SFXN4: variants seen among roughly 807,000 people sequenced by gnomAD.
SFXN4 encodes sideroflexin-4.
Under a neutral mutation model 54.6 loss-of-function variants are expected in SFXN4, and 48 were observed. The observed-to-expected ratio is 0.88, with a 90% CI of 0.70 to 1.12. The LOEUF (loss-of-function observed/expected upper bound fraction) is 1.12, where lower values mean the gene tolerates loss of function less well. SFXN4 is among the 50% of genes most tolerant of loss of function. The probability of loss-of-function intolerance (pLI) is 0.00; values close to 1 mark genes in which losing one functional copy is unlikely to be tolerated. For missense variants in SFXN4, 383 were observed against 409.2 expected, an observed-to-expected ratio of 0.94 and a Z score of 0.55; for synonymous variants, 130 against 145.5, an observed-to-expected ratio of 0.89 and a Z score of 0.77.
At chr10:119,157,177 C>A (rs1483099374) in intron 9 of SFXN4, among the ~76,000 whole-genome samples, 1 of 151,980 alleles carries the variant, frequency 6.6e-6, no homozygotes, top group Non-Finnish European at 1.5e-5. Flanking sequence ...GGCTGTAATC[C>A]CAGCACTTTG....
intron 11 of SFXN4, among the ~76,000 whole-genome samples, chr10:119,150,368 G>C (rs1589631599): frequency 6.6e-6 from 1 of 152,016 alleles, no homozygotes; most frequent in East Asian, 1.9e-4. Context: ...AGGAGGTGCT[G>C]GGAACAACTT....
chr10:119,158,101 T>C (rs1847348432), intron 6 of SFXN4, 39 bp from the exon 7 acceptor site: 1 of 1,597,330 alleles, frequency 6.3e-7, no homozygotes, highest in Admixed American at 1.7e-5. Context: ...CAAGTGTTGC[T>C]GTGGAAGGAG....
chr10:119,163,485 C>T (rs973068510), intron 2 of SFXN4, among the ~76,000 whole-genome samples: 1 of 152,056 alleles, frequency 6.6e-6, no homozygotes, highest in African/African-American at 2.4e-5. Flanking sequence ...GCAACCTCCA[C>T]CTCCTGGGTT....
At chr10:119,163,511 C>T (rs1383531380) in intron 2 of SFXN4, among the ~76,000 whole-genome samples, 1 of 152,072 alleles carries the variant, frequency 6.6e-6, no homozygotes, top group African/African-American at 2.4e-5. Context: ...AGTGATTCGC[C>T]CACCTCAAGC....
At chr10:119,142,885 CCATG>C (rs1846605427) in intron 13 of SFXN4, among the ~76,000 whole-genome samples, 1 of 152,074 alleles carries the variant, frequency 6.6e-6, no homozygotes, top group Non-Finnish European at 1.5e-5. Flanking sequence ...GCGCCTGCCA[CCATG>C]CCTGGCTAAT....
Position 119,147,789 on chromosome 10 carries a change from G to A in SFXN4, c.804C>T (p.Thr268=), listed in dbSNP as rs1564815899. Residue 268 remains threonine, a synonymous_variant, in exon 12 of 14, where the codon ACC becomes ACT. Transcript: ENST00000355697. ...GTSALIPEVF[T]YFFKRTQYFR... Reference sequence around the variant, plus strand: ...GTGTCTCTTACCTTTTAAAAAAGTAGGTGAAGACTTCAGGAATCAGAGCTG... The same window carrying A: ...GTGTCTCTTACCTTTTAAAAAAGTAAGTGAAGACTTCAGGAATCAGAGCTG... The A allele has an allele frequency of 6.2e-7, 1 of 1,613,950 alleles. No homozygotes were observed. Among genetic ancestry groups the A allele is most frequent in the East Asian group, 2.2e-5 (1 of 44,884 alleles).
intron 11 of SFXN4, among the ~76,000 whole-genome samples, chr10:119,149,627 G>A (rs997927253): frequency 1.3e-5 from 2 of 152,112 alleles, no homozygotes; most frequent in Non-Finnish European, 2.9e-5. Flanking sequence ...GTGGGCGCCT[G>A]TAATCCCAGC....
intron 13 of SFXN4, among the ~76,000 whole-genome samples, chr10:119,145,273 C>T (rs1846740602): frequency 6.6e-6 from 1 of 150,584 alleles, no homozygotes; most frequent in East Asian, 1.9e-4. Context: ...TGATGACTCA[C>T]CTTCACTTAA....
intron 11 of SFXN4, among the ~76,000 whole-genome samples, chr10:119,153,373 C>A (rs1190035949): frequency 2.0e-5 from 3 of 147,054 alleles, no homozygotes; most frequent in African/African-American, 7.6e-5. Flanking sequence ...CACACCATTG[C>A]ACTCCAGCGA....
At chr10:119,151,650 G>A (rs954926497) in intron 11 of SFXN4, among the ~76,000 whole-genome samples, 1 of 151,736 alleles carries the variant, frequency 6.6e-6, no homozygotes, top group African/African-American at 2.4e-5. Context: ...TGAGTAGCTG[G>A]GACTACAGGC....
intron 10 of SFXN4, among the ~76,000 whole-genome samples, chr10:119,156,116 T>C (rs983293921): frequency 4.6e-5 from 7 of 152,276 alleles, no homozygotes; most frequent in Admixed American, 4.6e-4. Flanking sequence ...GTAGAACGTT[T>C]ACACAGATAA....
intron 2 of SFXN4, among the ~76,000 whole-genome samples, chr10:119,163,514 C>T (rs1300197551): frequency 6.6e-6 from 1 of 152,086 alleles, no homozygotes; most frequent in East Asian, 1.9e-4. Context: ...GATTCGCCCA[C>T]CTCAAGCCTT....
Position 119,140,974 on chromosome 10 carries a change from C to G in SFXN4, c.*268G>C. The G allele has an allele frequency of 2.7e-6, 1 of 365,086 alleles. No individual in the cohort carries two copies. Among genetic ancestry groups the G allele is most frequent in the Middle Eastern group, 7.5e-4 (1 of 1,330 alleles). The allele number at this position is 365,086 out of a possible 1,614,324, so 22.6% of individuals were successfully genotyped here. On this transcript the variant is annotated 3_prime_UTR_variant, in exon 14 of 14. Coordinates refer to ENST00000355697, the MANE Select transcript of SFXN4 (RefSeq NM_213649.2). ...TAGTTAATTAGTGATTTCACAGTATCCTTTCGCAGGCCGATCCCCACTCCA... is the reference window on the plus strand; with the variant it reads ...TAGTTAATTAGTGATTTCACAGTATGCTTTCGCAGGCCGATCCCCACTCCA...
rs752085880 is a variant in SFXN4, at chr10:119,165,611, G to T, written c.37C>A (p.Arg13=). ...LEQEEETQPG[R]LLGRRDAVPA... ...ACGGCGTCTCTGCGTCCTAGGAGCC[G>T]CCCAGGTTGCGTTTCCTCCTCCTGT... is the stretch of plus-strand genomic sequence containing the variant. The change falls in exon 1 of 14, where the codon CGG becomes AGG. Residue 13 remains arginine, a synonymous_variant. Coordinates refer to ENST00000355697, the MANE Select transcript of SFXN4 (RefSeq NM_213649.2). 7 of 1,592,726 alleles carry T rather than the reference G, an allele frequency of 4.4e-6. No homozygotes were observed. The South Asian group carries it at 5.5e-5, about 13-fold the overall frequency.
chr10:119,159,864 G>A, intron 5 of SFXN4, 111 bp from the exon 6 acceptor site: 1 of 1,101,314 alleles, frequency 9.1e-7, no homozygotes. Flanking sequence ...AGAAGGCACA[G>A]ACCTCAAAGG....
chr10:119,151,424 G>C lies in SFXN4; in HGVS notation c.733-3564C>G, dbSNP rs537712022. ...TCAGTGCCTCCCTAGGGCTGGGGGTGGGGGTGGGGGTGGGCATTTGGGACA... is the reference window on the plus strand; with the variant it reads ...TCAGTGCCTCCCTAGGGCTGGGGGTCGGGGTGGGGGTGGGCATTTGGGACA... On this transcript the variant is annotated intron_variant, in intron 11 of 13. Coordinates refer to ENST00000355697, the MANE Select transcript of SFXN4 (RefSeq NM_213649.2). Among the ~76,000 whole-genome samples, 942 of 133,352 alleles carry C rather than the reference G, an allele frequency of 7.1e-3. 6 individuals carry two copies. The highest frequency in any genetic ancestry group is 9.9e-3 in the Non-Finnish European group (614 of 62,196). 87.5% of individuals were successfully genotyped at this position (133,352 alleles called of 152,430 possible). A position where few individuals can be genotyped will look rare whatever the true frequency, so the allele number is the denominator to read the frequency against.
chr10:119,160,708 G>A (rs1847493602), intron 5 of SFXN4, among the ~76,000 whole-genome samples: 5 of 150,046 alleles, frequency 3.3e-5, no homozygotes, highest in Admixed American at 2.7e-4. Context: ...CAATTCTCCT[G>A]CCTCAGCCTC....
intron 7 of SFXN4, 38 bp downstream of exon 7, chr10:119,157,971 A>T (rs2133612131): frequency 6.2e-7 from 1 of 1,614,128 alleles, no homozygotes; most frequent in Non-Finnish European, 8.5e-7. Flanking sequence ...TTCAAGCATA[A>T]CAGAATTTAG....
intron 2 of SFXN4, among the ~76,000 whole-genome samples, chr10:119,163,388 C>T (rs77381960): frequency 0.013 from 1,993 of 152,178 alleles, 49 homozygotes; most frequent in East Asian, 0.078. Flanking sequence ...CAGATGTACG[C>T]TTTTCTTTTC....
Sources: gnomAD v4.1 joint callset for allele counts (sites outside exome capture counted in the v4.1 genomes callset) on GRCh38, gnomAD v4.1.1 for gene constraint, MANE v1.5 for transcripts, NCBI Gene and HGNC (gene_info 2026-07-23, HGNC 2026-07-21) for gene names.